ECD: variants seen among roughly 807,000 people sequenced by gnomAD.
The protein encoded by ECD is ecdysoneless cell cycle regulator.
A neutral mutation model predicts 77.2 loss-of-function variants in ECD; 59 were observed. That is an observed-to-expected ratio of 0.76 (90% CI 0.62 to 0.95). The LOEUF is 0.95. ECD is among the 40% of genes least tolerant of loss of function. ECD has a pLI of 0.00. For missense variants in ECD, 704 were observed against 763.4 expected (o/e 0.92, Z 0.92); for synonymous variants, 233 against 267.4 (o/e 0.87, Z 1.26).
chr10:73,158,384 A>G (rs1196612377), intron 3 of ECD, among the ~76,000 whole-genome samples: 7 of 152,172 alleles, frequency 4.6e-5, no homozygotes. Flanking sequence ...CCTACAATAT[A>G]TATGTATTTC....
At chr10:73,164,409 A>T (rs1260039829) in intron 1 of ECD, among the ~76,000 whole-genome samples, 2 of 152,156 alleles carry the variant, frequency 1.3e-5, no homozygotes, top group African/African-American at 4.8e-5. Flanking sequence ...ACATACCATC[A>T]CCATGGTTTT....
intron 3 of ECD, among the ~76,000 whole-genome samples, chr10:73,159,224 T>A (rs1480072107): frequency 2.0e-5 from 3 of 152,252 alleles, no homozygotes; most frequent in Admixed American, 2.0e-4. Context: ...AAAATATAAG[T>A]GGGCGGAACG....
chr10:73,135,552 C>T (rs550991282), intron 13 of ECD, among the ~76,000 whole-genome samples: 2 of 152,030 alleles, frequency 1.3e-5, no homozygotes, highest in Admixed American at 1.3e-4. Context: ...GAAACCCTGT[C>T]TCTACTAAAT....
At chr10:73,151,150 G>A (rs1843196695) in intron 7 of ECD, among the ~76,000 whole-genome samples, 1 of 151,978 alleles carries the variant, frequency 6.6e-6, no homozygotes, top group South Asian at 2.1e-4. Context: ...TGATAGACTG[G>A]ATTAAGAAAA....
chr10:73,167,504 C>A (rs941329072), intron 1 of ECD, among the ~76,000 whole-genome samples: 4 of 152,134 alleles, frequency 2.6e-5, no homozygotes, highest in African/African-American at 9.7e-5. Context: ...CACCCTAACT[C>A]CATGATTCCA....
chr10:73,167,215 C>A (rs1293538747), intron 1 of ECD, among the ~76,000 whole-genome samples: 1 of 152,046 alleles, frequency 6.6e-6, no homozygotes, highest in East Asian at 1.9e-4. Context: ...GTTGTATAAT[C>A]TGAAGTCGGG....
Position 73,134,065 on chromosome 10 carries a change from C to A in ECD, c.*518G>T. ...TTTGGTATGTGACATATCAATATAG[C>A]TGTTATTTACAAGTAAATAAGTTCT... is the stretch of plus-strand genomic sequence containing the variant. On this transcript the variant is annotated 3_prime_UTR_variant, in exon 14 of 14. Transcript: ENST00000372979. 1 of 153,610 alleles carries A rather than the reference C, an allele frequency of 6.5e-6. No individual in the cohort carries two copies. The highest frequency in any genetic ancestry group is 6.4e-5 in the Admixed American group (1 of 15,562). 9.5% of individuals were successfully genotyped at this position (153,610 alleles called of 1,614,324 possible). A position where few individuals can be genotyped will look rare whatever the true frequency, so the allele number is the denominator to read the frequency against.
In ECD at chr10:73,163,919, GCTTCATGGTTT is replaced by G. The variant is rs757913928; in HGVS notation, c.8_18del (p.Glu3AlafsTer18). On this transcript the variant is annotated frameshift_variant, in exon 2 of 14. Transcript: ENST00000372979. LOFTEE classifies it high-confidence loss of function. The stretch of plus-strand genomic sequence containing the variant: ...TCCACTGTGTCTTCCATCGTAGCAA[GCTTCATGGTTT>G]CTTCCATTCTTCTTTGAAAACTATG... 1.9e-6 allele frequency: 3 copies of G among 1,614,090 alleles called. No individual in the cohort carries two copies. The highest frequency in any genetic ancestry group is 2.5e-6 in the Non-Finnish European group (3 of 1,180,014).
In ECD at chr10:73,163,779, GTAGGGGACCAGCA is replaced by G. The variant is rs1287623112; in HGVS notation, c.146_158del (p.Met49ThrfsTer26). 1.9e-6 allele frequency: 3 copies of G among 1,614,156 alleles called. No individual in the cohort carries two copies. The South Asian group carries it at 3.3e-5, about 18-fold the overall frequency. ...GATTGAAAGGCTGATTCTGCCAGATGTAGGGGACCAGCATAGGTGCAAACCGAGTGATTATTCT... is the reference window on the plus strand; with the variant it reads ...GATTGAAAGGCTGATTCTGCCAGATGTAGGTGCAAACCGAGTGATTATTCT... On this transcript the variant is annotated frameshift_variant, in exon 2 of 14. Coordinates refer to ENST00000372979, the MANE Select transcript of ECD (RefSeq NM_007265.3). LOFTEE classifies it high-confidence loss of function.
intron 3 of ECD, among the ~76,000 whole-genome samples, chr10:73,159,769 G>A (rs1283671694): frequency 2.7e-5 from 4 of 149,096 alleles, no homozygotes; most frequent in African/African-American, 5.0e-5. Context: ...TCAGCCTCCC[G>A]AGTAGCTGTG....
intron 5 of ECD, 73 bp from the exon 6 acceptor site, chr10:73,154,521 T>C: frequency 7.3e-7 from 1 of 1,366,898 alleles, no homozygotes; most frequent in Non-Finnish European, 9.7e-7. Context: ...ATTCACATTC[T>C]TTTTGACATC....
At chr10:73,138,758 G>T (rs142554929) in intron 11 of ECD, among the ~76,000 whole-genome samples, 24 of 152,034 alleles carry the variant, frequency 1.6e-4, no homozygotes, top group African/African-American at 5.8e-4. Flanking sequence ...GTAGAGATAG[G>T]GTTTCACCAT....
chr10:73,155,073 G>A (rs549846242), intron 5 of ECD, among the ~76,000 whole-genome samples: 11 of 152,084 alleles, frequency 7.2e-5, no homozygotes, highest in Middle Eastern at 3.4e-3. Context: ...TTTTTGAGAC[G>A]GAGTCTCGCT....
chr10:73,166,725 T>C (rs1843473111), intron 1 of ECD, among the ~76,000 whole-genome samples: 1 of 152,244 alleles, frequency 6.6e-6, no homozygotes, highest in South Asian at 2.1e-4. Context: ...CCTTGTCAGA[T>C]GGGTAGTTTG....
intron 9 of ECD, among the ~76,000 whole-genome samples, chr10:73,142,983 A>T (rs1258248704): frequency 6.6e-6 from 1 of 152,038 alleles, no homozygotes; most frequent in Non-Finnish European, 1.5e-5. Flanking sequence ...TCTTCATAGC[A>T]CTTACCACCC....
chr10:73,137,919 G>T, intron 12 of ECD, 84 bp downstream of exon 12: 1 of 1,024,440 alleles, frequency 9.8e-7, no homozygotes, highest in Non-Finnish European at 1.3e-6. Flanking sequence ...TTTGGCTTCT[G>T]AGATATCTCA....
intron 5 of ECD, among the ~76,000 whole-genome samples, chr10:73,155,171 T>C (rs551793958): frequency 1.3e-5 from 2 of 151,982 alleles, no homozygotes; most frequent in East Asian, 3.9e-4. Flanking sequence ...GTTCAAGTGA[T>C]TTTCCTGCGC....
At chr10:73,141,690 A>G (rs1383773596) in intron 9 of ECD, among the ~76,000 whole-genome samples, 1 of 151,974 alleles carries the variant, frequency 6.6e-6, no homozygotes, top group Non-Finnish European at 1.5e-5. Flanking sequence ...TTCCAGAATG[A>G]TTTTTATTTT....
chr10:73,165,801 T>TA (rs60180525), intron 1 of ECD, among the ~76,000 whole-genome samples: 23,848 of 151,930 alleles, frequency 0.16, 3,119 homozygotes, highest in African/African-American at 0.33. Context: ...TTATTTTTAT[T>TA]AAAAAAATTT....
Sources: allele counts gnomAD v4.1 joint callset (sites outside exome capture counted in the v4.1 genomes callset), GRCh38; gene constraint gnomAD v4.1.1; transcripts MANE v1.5; gene names NCBI Gene and HGNC (gene_info 2026-07-23, HGNC 2026-07-21).